Variants in SHROOM4 observed in about 807,000 individuals in gnomAD.
SHROOM4 encodes shroom family member 4, also known as protein Shroom4.
SHROOM4 carries 17 observed loss-of-function variants against 80.3 expected under a neutral mutation model. The observed-to-expected ratio is 0.21, with a 90% CI of 0.14 to 0.32. SHROOM4 has a LOEUF of 0.32. Among genes scored for constraint, SHROOM4 ranks in the 10% least tolerant of loss-of-function variants. The pLI is 1.00. For missense variants in SHROOM4, 993 were observed against 1,140.3 expected (o/e 0.87, Z 1.86); for synonymous variants, 400 against 437.5 (o/e 0.91, Z 1.07).
intron 1 of SHROOM4, among the ~76,000 whole-genome samples, chrX:50,782,867 T>C (rs1353565976): frequency 9.0e-6 from 1 of 110,677 alleles, no homozygotes; most frequent in Non-Finnish European, 1.9e-5. Flanking sequence ...GAAGGGGAAA[T>C]GGGGAGTTGC....
chrX:50,627,981 T>C (rs1411080588), intron 4 of SHROOM4, among the ~76,000 whole-genome samples: 1 of 112,322 alleles, frequency 8.9e-6, no homozygotes, highest in Admixed American at 9.4e-5. Context: ...GTTTAGTATG[T>C]TTGCTGTTTG....
rs1928902619 is a variant in SHROOM4 at position 50,591,891 on chromosome X, G to A, written c.*4804C>T. 3.1e-6 allele frequency: 1 copy of A among 317,890 alleles called. No homozygotes were observed. The highest frequency in any genetic ancestry group is 2.7e-5 in the African/African-American group (1 of 36,824). 26.2% of individuals were successfully genotyped at this position (317,890 alleles called of 1,213,427 possible). A position where few individuals can be genotyped will look rare whatever the true frequency, so the allele number is the denominator to read the frequency against. ...TGCCACCACACCTGGCTAATTTTTT[G>A]TATTTTTAGTAGAGATAGGGTTTCA... On this transcript the variant is annotated 3_prime_UTR_variant, in exon 9 of 9. Coordinates refer to ENST00000376020, the MANE Select transcript of SHROOM4 (RefSeq NM_020717.5).
chrX:50,805,109 A>C (rs1001994340), intron 1 of SHROOM4, among the ~76,000 whole-genome samples: 2 of 111,542 alleles, frequency 1.8e-5, no homozygotes, highest in East Asian at 5.6e-4. Context: ...AAACAAAAAG[A>C]AATGGAAAAC....
At position 50,593,862 on chromosome X, in the gene SHROOM4, T is replaced by C. The variant is rs1928982989; in HGVS notation, c.*2833A>G. On this transcript the variant is annotated 3_prime_UTR_variant, in exon 9 of 9. Coordinates refer to ENST00000376020, the MANE Select transcript of SHROOM4 (RefSeq NM_020717.5). Reference sequence around the variant, plus strand: ...TTCCTTTCTAGGGCTTTATTTTCAGTGTCTCTGTCTTATTCTGTCAGATTC... The same window carrying C: ...TTCCTTTCTAGGGCTTTATTTTCAGCGTCTCTGTCTTATTCTGTCAGATTC... 1 of 112,469 alleles carries C rather than the reference T, an allele frequency of 8.9e-6. No homozygotes were observed. Among genetic ancestry groups the C allele is most frequent in the Admixed American group, 9.4e-5 (1 of 10,644 alleles). 9.3% of individuals were successfully genotyped at this position (112,469 alleles called of 1,213,427 possible).
chrX:50,699,771 A>G (rs1933470096), intron 1 of SHROOM4, among the ~76,000 whole-genome samples: 2 of 112,462 alleles, frequency 1.8e-5, no homozygotes, highest in Non-Finnish European at 3.8e-5. Context: ...TGGCCCCTTG[A>G]GAGTAAAGGC....
At position 50,589,194 on chromosome X, in the gene SHROOM4, A is replaced by G. The variant is rs1002607621; in HGVS notation, c.*7501T>C. Among the ~76,000 whole-genome samples, 3 of 111,691 alleles carry G rather than the reference A, an allele frequency of 2.7e-5. No individual in the cohort carries two copies. The Admixed American group carries it at 2.9e-4, about 11-fold the overall frequency. ...ATATTGTAAATATTGTACCCTTTGG[A>G]GTCAGGAATGAAGTACATGCTCACC... On this transcript the variant is annotated 3_prime_UTR_variant, in exon 9 of 9. Coordinates refer to ENST00000376020, the MANE Select transcript of SHROOM4 (RefSeq NM_020717.5).
At chrX:50,793,711 C>T (rs782203445) in intron 1 of SHROOM4, among the ~76,000 whole-genome samples, 14 of 107,590 alleles carry the variant, frequency 1.3e-4, no homozygotes, top group African/African-American at 4.4e-4. Context: ...TAACTAGTAT[C>T]ACCCTTCTGG....
At chrX:50,711,726 G>T (rs1285493131) in intron 1 of SHROOM4, among the ~76,000 whole-genome samples, 1 of 112,145 alleles carries the variant, frequency 8.9e-6, no homozygotes, top group Admixed American at 9.4e-5. Context: ...GAATCTAGGT[G>T]ATGGGTATAT....
intron 1 of SHROOM4, among the ~76,000 whole-genome samples, chrX:50,717,263 G>C (rs1227347246): frequency 8.9e-6 from 1 of 111,753 alleles, no homozygotes; most frequent in Non-Finnish European, 1.9e-5. Flanking sequence ...CCATCACCAG[G>C]CTGCAGTGCA....
chrX:50,736,388 T>C (rs1242365781), intron 1 of SHROOM4, among the ~76,000 whole-genome samples: 2 of 111,055 alleles, frequency 1.8e-5, no homozygotes, highest in Non-Finnish European at 3.8e-5. Flanking sequence ...TTAGCTGTTT[T>C]TCCTAACGCT....
Position 50,754,622 on chromosome X carries a change from T to C in SHROOM4, c.118-58685A>G, listed in dbSNP as rs185725532. 3.2e-3 allele frequency among the ~76,000 whole-genome samples: 356 copies of C among 111,362 alleles called. 4 individuals are homozygous for C. The highest frequency in any genetic ancestry group is 4.8e-3 in the Non-Finnish European group (256 of 53,020). ...TAGTCAAGAATTACTAGCCAATCAA[T>C]GCAGTCCCCTCCTTAGGCTCAAATC... On this transcript the variant is annotated intron_variant, in intron 1 of 8. Transcript: ENST00000376020.
chrX:50,813,953 G>T lies in SHROOM4; in HGVS notation c.66C>A (p.Gly22=), dbSNP rs145051435. Residue 22 remains glycine, a synonymous_variant, in exon 1 of 9, where the codon GGC becomes GGA. Transcript: ENST00000376020. ...GTTCCAGACCCCCCTTAAGGGTGAA[G>T]CCCCAGGGTGCCCCCCCTTGCAGCT... ...PVQLQGGAPW[G]FTLKGGLEHC... The T allele has an allele frequency of 2.5e-6, 3 of 1,204,866 alleles. No homozygotes were observed. In the Admixed American group the frequency reaches 6.6e-5, roughly 26 times the overall value.
At chrX:50,615,011 G>A (rs897542553) in intron 5 of SHROOM4, among the ~76,000 whole-genome samples, 15 of 111,150 alleles carry the variant, frequency 1.3e-4, no homozygotes, top group African/African-American at 4.2e-4. Flanking sequence ...ATGCACACAC[G>A]TTACTTTTCT....
chrX:50,740,678 C>G (rs1934633370), intron 1 of SHROOM4, among the ~76,000 whole-genome samples: 1 of 111,542 alleles, frequency 9.0e-6, no homozygotes, highest in South Asian at 3.8e-4. Context: ...TGGAACATCA[C>G]TAAGATAGGC....
chrX:50,707,865 T>C (rs1490695583), intron 1 of SHROOM4, among the ~76,000 whole-genome samples: 1 of 111,879 alleles, frequency 8.9e-6, no homozygotes, highest in African/African-American at 3.2e-5. Context: ...AGTCAGAAGA[T>C]GAGAACAGGA....
intron 5 of SHROOM4, among the ~76,000 whole-genome samples, chrX:50,612,126 A>G (rs1428346232): frequency 9.0e-6 from 1 of 110,522 alleles, no homozygotes; most frequent in Non-Finnish European, 1.9e-5. Flanking sequence ...TAAAGGCAAA[A>G]CCAATTCCTG....
At chrX:50,664,645 C>T (rs1410954279) in intron 2 of SHROOM4, among the ~76,000 whole-genome samples, 2 of 111,463 alleles carry the variant, frequency 1.8e-5, no homozygotes, top group Non-Finnish European at 3.8e-5. Context: ...AACATATAAT[C>T]GACTCTCAAA....
intron 1 of SHROOM4, among the ~76,000 whole-genome samples, chrX:50,769,546 G>T: frequency 9.0e-6 from 1 of 111,420 alleles, no homozygotes; most frequent in Middle Eastern, 4.6e-3. Flanking sequence ...AACTAATTAT[G>T]GCACAATCAT....
At chrX:50,682,567 T>C (rs1301099436) in intron 2 of SHROOM4, among the ~76,000 whole-genome samples, 1 of 111,381 alleles carries the variant, frequency 9.0e-6, no homozygotes, top group Non-Finnish European at 1.9e-5. Context: ...CGATTCTAGA[T>C]AGAGGAAATT....
Sources: allele counts gnomAD v4.1 joint callset (sites outside exome capture counted in the v4.1 genomes callset), GRCh38; gene constraint gnomAD v4.1.1; transcripts MANE v1.5; gene names NCBI Gene and HGNC (gene_info 2026-07-23, HGNC 2026-07-21).